ANKHD1: variants seen among roughly 807,000 people sequenced by gnomAD.
The protein encoded by ANKHD1 is ankyrin repeat and KH domain-containing protein 1.
In ANKHD1, 31 loss-of-function variants were observed where a neutral mutation model predicts 230.5. The observed-to-expected ratio is 0.13, with a 90% CI of 0.10 to 0.18. The LOEUF (loss-of-function observed/expected upper bound fraction) is 0.18. Ranked by LOEUF, ANKHD1 falls within the 10% of genes least tolerant of loss-of-function variation. The probability of loss-of-function intolerance (pLI) is 1.00; values close to 1 mark genes in which losing one functional copy is unlikely to be tolerated. For missense variants in ANKHD1, 2,256 were observed against 3,071.3 expected, an observed-to-expected ratio of 0.73 and a Z score of 6.27; for synonymous variants, 1,074 against 1,117.6, an observed-to-expected ratio of 0.96 and a Z score of 0.78.
chr5:140,539,600 T>C lies in ANKHD1; in HGVS notation c.*182T>C. ...ACCTGATTATGTTCTCTGGTTAGTT[T>C]AGCCATTTTGAACTTAAGATCATAT... On this transcript the variant is annotated 3_prime_UTR_variant, in exon 34 of 34. Coordinates refer to ENST00000360839, the MANE Select transcript of ANKHD1 (RefSeq NM_017747.3). 1.5e-6 allele frequency: 1 copy of C among 671,938 alleles called. No homozygotes were observed. Among genetic ancestry groups the C allele is most frequent in the Non-Finnish European group, 2.4e-6 (1 of 423,678 alleles). The allele number at this position is 671,938 out of a possible 1,614,324, so 41.6% of individuals were successfully genotyped here. A position where few individuals can be genotyped will look rare whatever the true frequency, so the allele number is the denominator to read the frequency against.
intron 10 of ANKHD1, among the ~76,000 whole-genome samples, chr5:140,474,209 G>T (rs555304980): frequency 6.6e-6 from 1 of 152,238 alleles, no homozygotes; most frequent in South Asian, 2.1e-4. Context: ...TTCTCCTGAG[G>T]GGTATGAATC....
intron 10 of ANKHD1, among the ~76,000 whole-genome samples, chr5:140,473,227 A>G (rs955402117): frequency 3.3e-5 from 5 of 151,470 alleles, no homozygotes; most frequent in Admixed American, 2.6e-4. Flanking sequence ...ACGGGGTTTC[A>G]CCATGTTGGC....
rs571504331 is a variant in ANKHD1 at position 140,496,890 on chromosome 5, G to A, written c.2616G>A (p.Gln872=). 1.2e-6 allele frequency: 2 copies of A among 1,614,082 alleles called. No homozygotes were observed. Among genetic ancestry groups the A allele is most frequent in the Non-Finnish European group, 8.5e-7 (1 of 1,180,048 alleles). Residue 872 remains glutamine (Q), a synonymous_variant, in exon 15 of 34, where the codon CAG becomes CAA. Transcript: ENST00000360839. ...GQKDTVSLHQ[Q]CSHRGVFPEG... The stretch of plus-strand genomic sequence containing the variant: ...AAGACACAGTGTCTCTACACCAACA[G>A]TGCTCTCATAGAGGAGTCTTCCCAG...
At chr5:140,535,566 A>G (rs1043881135) in intron 30 of ANKHD1, 28 bp downstream of exon 30, 14 of 1,555,112 alleles carry the variant, frequency 9.0e-6, no homozygotes, top group Admixed American at 4.4e-5. Context: ...ACTCTTCCCA[A>G]AGAGTTTTGA....
In ANKHD1 at chr5:140,535,343, T is replaced by C. The variant is rs768966171; in HGVS notation, c.6851-19T>C. 1 of 1,570,062 alleles carries C rather than the reference T, an allele frequency of 6.4e-7. No individual in the cohort carries two copies. Among genetic ancestry groups the C allele is most frequent in the South Asian group, 1.2e-5 (1 of 83,484 alleles). ...TAAAGTTTTAGCTAATTGGATGTCT[T>C]GGACCTGTTTTATTTCAGGGTTACC... On this transcript the variant is annotated intron_variant, in intron 29 of 33. Transcript: ENST00000360839.
chr5:140,461,697 T>A (rs1365031611), intron 9 of ANKHD1, among the ~76,000 whole-genome samples: 1 of 152,112 alleles, frequency 6.6e-6, no homozygotes, highest in South Asian at 2.1e-4. Flanking sequence ...TAACTTTTTA[T>A]TTTTAAAATT....
chr5:140,474,336 C>G (rs889357584), intron 10 of ANKHD1, among the ~76,000 whole-genome samples: 1 of 152,086 alleles, frequency 6.6e-6, no homozygotes, highest in Non-Finnish European at 1.5e-5. Flanking sequence ...CAAACAGTCT[C>G]CCTCCTTTTC....
chr5:140,449,134 A>C, intron 6 of ANKHD1, 77 bp from the exon 7 acceptor site: 1 of 1,426,298 alleles, frequency 7.0e-7, no homozygotes, highest in Non-Finnish European at 9.5e-7. Context: ...ACATCTGAAG[A>C]AAAAGATTCC....
intron 24 of ANKHD1, among the ~76,000 whole-genome samples, chr5:140,520,908 A>G (rs1483412362): frequency 6.7e-6 from 1 of 149,240 alleles, no homozygotes; most frequent in East Asian, 2.0e-4. Context: ...GTGCACATGT[A>G]CCCTAAAACT....
At chr5:140,424,979 T>C (rs2126881683) in intron 1 of ANKHD1, among the ~76,000 whole-genome samples, 1 of 152,342 alleles carries the variant, frequency 6.6e-6, no homozygotes, top group African/African-American at 2.4e-5. Context: ...AAAAGGCTGA[T>C]ACATATGAGA....
intron 6 of ANKHD1, among the ~76,000 whole-genome samples, chr5:140,446,278 A>G (rs1043541380): frequency 2.6e-5 from 4 of 152,176 alleles, no homozygotes; most frequent in Admixed American, 6.5e-5. Flanking sequence ...GATTTTTCCA[A>G]TGTTTATTTA....
At chr5:140,439,641 G>A (rs1773705309) in intron 3 of ANKHD1, among the ~76,000 whole-genome samples, 1 of 151,996 alleles carries the variant, frequency 6.6e-6, no homozygotes, top group African/African-American at 2.4e-5. Flanking sequence ...CTGCATTCCA[G>A]CCTGGGCAAC....
intron 25 of ANKHD1, chr5:140,525,064 C>T (rs748917371): frequency 1.7e-4 from 30 of 173,012 alleles, no homozygotes; most frequent in Admixed American, 1.3e-4. Context: ...GGTGGTGAGC[C>T]GAGTTCACGC....
chr5:140,440,053 T>C (rs769206123), intron 3 of ANKHD1, 66 bp from the exon 4 acceptor site: 14 of 1,434,098 alleles, frequency 9.8e-6, no homozygotes, highest in Non-Finnish European at 1.3e-5. Context: ...TTATATTTAA[T>C]ATAATTTATC....
intron 10 of ANKHD1, chr5:140,472,160 C>G (rs930951618): frequency 5.1e-6 from 6 of 1,165,680 alleles, no homozygotes; most frequent in Non-Finnish European, 7.6e-6. Flanking sequence ...TCTGAAGTAT[C>G]GGTCACAAGG....
chr5:140,424,160 G>T (rs184840788), intron 1 of ANKHD1, among the ~76,000 whole-genome samples: 2 of 151,402 alleles, frequency 1.3e-5, no homozygotes, highest in Admixed American at 1.3e-4. Flanking sequence ...ATATACCCTG[G>T]TATATATACT....
chr5:140,443,323 A>G (rs1325470650), intron 5 of ANKHD1, among the ~76,000 whole-genome samples: 1 of 152,168 alleles, frequency 6.6e-6, no homozygotes, highest in Non-Finnish European at 1.5e-5. Flanking sequence ...AAAAGTTGTT[A>G]AATTAAGATG....
At chr5:140,425,316 A>G (rs1161594022) in intron 1 of ANKHD1, among the ~76,000 whole-genome samples, 1 of 152,086 alleles carries the variant, frequency 6.6e-6, no homozygotes, top group Non-Finnish European at 1.5e-5. Flanking sequence ...GCTGGAGTGC[A>G]GTGGTGTGAT....
At chr5:140,483,098 CTAT>C (rs1442714968) in intron 11 of ANKHD1, among the ~76,000 whole-genome samples, 2 of 152,004 alleles carry the variant, frequency 1.3e-5, no homozygotes, top group South Asian at 2.1e-4. Context: ...TTTAGAAATT[CTAT>C]TATTAGAATT....
Sources: allele counts gnomAD v4.1 joint callset (sites outside exome capture counted in the v4.1 genomes callset), GRCh38; gene constraint gnomAD v4.1.1; transcripts MANE v1.5; gene names NCBI Gene and HGNC (gene_info 2026-07-23, HGNC 2026-07-21).